GLRA3: variants seen among roughly 807,000 people sequenced by gnomAD.
The protein encoded by GLRA3 is glycine receptor subunit alpha-3.
GLRA3 carries 44 observed loss-of-function variants against 60.4 expected under a neutral mutation model. The observed-to-expected ratio is 0.73, with a 90% CI of 0.57 to 0.94. GLRA3 has a LOEUF of 0.94. Among genes scored for constraint, GLRA3 ranks in the 40% least tolerant of loss-of-function variants. GLRA3 has a pLI of 0.00. For missense variants in GLRA3, 508 were observed against 564.6 expected, an observed-to-expected ratio of 0.90 and a Z score of 1.02; for synonymous variants, 223 against 192.9, an observed-to-expected ratio of 1.16 and a Z score of -1.29.
intron 1 of GLRA3, among the ~76,000 whole-genome samples, chr4:174,812,683 T>C (rs971285555): frequency 6.6e-6 from 1 of 152,310 alleles, no homozygotes; most frequent in South Asian, 2.1e-4. Flanking sequence ...TATAGAATTA[T>C]ATTCTTTTTA....
chr4:174,739,155 C>T (rs1308083388), intron 3 of GLRA3, among the ~76,000 whole-genome samples: 2 of 152,320 alleles, frequency 1.3e-5, no homozygotes, highest in South Asian at 2.1e-4. Flanking sequence ...GTGGGTGCTG[C>T]TCTAAGAAGA....
At chr4:174,795,704 T>C (rs907556439) in intron 1 of GLRA3, among the ~76,000 whole-genome samples, 3 of 152,228 alleles carry the variant, frequency 2.0e-5, no homozygotes, top group African/African-American at 7.2e-5. Context: ...TGAGTTCTTA[T>C]GTAATTTGTT....
intron 7 of GLRA3, among the ~76,000 whole-genome samples, chr4:174,667,063 G>A (rs1394541814): frequency 6.6e-6 from 1 of 152,020 alleles, no homozygotes; most frequent in African/African-American, 2.4e-5. Flanking sequence ...AAATGGTGTT[G>A]TCATTGCTAT....
At chr4:174,805,257 T>A (rs1030991495) in intron 1 of GLRA3, among the ~76,000 whole-genome samples, 1 of 152,068 alleles carries the variant, frequency 6.6e-6, no homozygotes, top group Non-Finnish European at 1.5e-5. Flanking sequence ...TTTTCTCAAA[T>A]TTTTTTGCAC....
chr4:174,813,286 T>C (rs1272924959), intron 1 of GLRA3, among the ~76,000 whole-genome samples: 1 of 152,174 alleles, frequency 6.6e-6, no homozygotes, highest in African/African-American at 2.4e-5. Flanking sequence ...CAGTGCTCCT[T>C]TGGAAAAATA....
At chr4:174,706,099 G>T (rs574895900) in intron 5 of GLRA3, among the ~76,000 whole-genome samples, 3 of 151,968 alleles carry the variant, frequency 2.0e-5, no homozygotes, top group East Asian at 1.9e-4. Flanking sequence ...GCGTGGTGGC[G>T]GGCACCTGTA....
At chr4:174,735,204 A>C (rs1032253228) in intron 3 of GLRA3, among the ~76,000 whole-genome samples, 18 of 152,020 alleles carry the variant, frequency 1.2e-4, no homozygotes, top group African/African-American at 4.1e-4. Context: ...GGTGGACTTC[A>C]CTCTGTCCTT....
At chr4:174,801,317 C>T (rs1440628154) in intron 1 of GLRA3, among the ~76,000 whole-genome samples, 1 of 152,028 alleles carries the variant, frequency 6.6e-6, no homozygotes, top group Non-Finnish European at 1.5e-5. Context: ...GTGATATTAT[C>T]CAGTCTAATA....
At position 174,640,747 on chromosome 4, in the gene GLRA3, C is replaced by G. The variant is rs1000549882; in HGVS notation, c.*3039G>C. 1 of 151,654 alleles carries G rather than the reference C, an allele frequency of 6.6e-6. No individual in the cohort carries two copies. Among genetic ancestry groups the G allele is most frequent in the Admixed American group, 6.6e-5 (1 of 15,190 alleles). 9.4% of individuals were successfully genotyped at this position (151,654 alleles called of 1,614,324 possible). On this transcript the variant is annotated 3_prime_UTR_variant, in exon 10 of 10. Transcript: ENST00000274093. Reference sequence around the variant, plus strand: ...TCTTAGGGATATATAAATATACAAGCAATTAAATTCCAAATTAAGATAAAA... The same window carrying G: ...TCTTAGGGATATATAAATATACAAGGAATTAAATTCCAAATTAAGATAAAA...
At chr4:174,805,283 G>A (rs888270599) in intron 1 of GLRA3, among the ~76,000 whole-genome samples, 11 of 152,210 alleles carry the variant, frequency 7.2e-5, no homozygotes, top group African/African-American at 2.6e-4. Flanking sequence ...TCTTCAAAGA[G>A]TGCTGTTCAA....
At chr4:174,784,867 A>G (rs774327223) in intron 2 of GLRA3, among the ~76,000 whole-genome samples, 1 of 152,164 alleles carries the variant, frequency 6.6e-6, no homozygotes, top group Admixed American at 6.5e-5. Context: ...AAGGCACAGG[A>G]TCATTAGTGG....
chr4:174,816,034 T>G (rs1024738033), intron 1 of GLRA3, among the ~76,000 whole-genome samples: 2 of 152,180 alleles, frequency 1.3e-5, no homozygotes, highest in African/African-American at 2.4e-5. Context: ...CAAGATGAGA[T>G]TTGGGTAGGG....
At chr4:174,786,927 C>G (rs762454739) in intron 2 of GLRA3, among the ~76,000 whole-genome samples, 1 of 152,038 alleles carries the variant, frequency 6.6e-6, no homozygotes, top group African/African-American at 2.4e-5. Context: ...ATCTAATCAC[C>G]TCTGAACTGG....
chr4:174,754,532 T>C (rs1409617568), intron 3 of GLRA3, among the ~76,000 whole-genome samples: 1 of 152,140 alleles, frequency 6.6e-6, no homozygotes, highest in Non-Finnish European at 1.5e-5. Context: ...AATCTAATAA[T>C]ATCCTACATG....
At chr4:174,770,095 A>T (rs2111245498) in intron 2 of GLRA3, among the ~76,000 whole-genome samples, 1 of 152,180 alleles carries the variant, frequency 6.6e-6, no homozygotes. Flanking sequence ...CTGGTTCATG[A>T]TTTTCATCTT....
chr4:174,684,852 C>T (rs1189058963), intron 5 of GLRA3, among the ~76,000 whole-genome samples: 2 of 152,026 alleles, frequency 1.3e-5, no homozygotes, highest in African/African-American at 4.8e-5. Context: ...TACTAAAAAA[C>T]ACAAAAATTA....
intron 7 of GLRA3, among the ~76,000 whole-genome samples, chr4:174,676,367 C>A (rs544045866): frequency 7.3e-6 from 1 of 136,826 alleles, no homozygotes; most frequent in South Asian, 2.5e-4. Flanking sequence ...GGGTGCAGCA[C>A]TATGGGCACT....
intron 3 of GLRA3, among the ~76,000 whole-genome samples, chr4:174,737,116 G>A (rs974349917): frequency 6.6e-6 from 1 of 151,994 alleles, no homozygotes; most frequent in South Asian, 2.1e-4. Context: ...TATGTAATTT[G>A]GGACTAATGT....
intron 4 of GLRA3, among the ~76,000 whole-genome samples, chr4:174,723,703 ATTT>A (rs1326627687): frequency 3.3e-5 from 5 of 152,140 alleles, no homozygotes; most frequent in Admixed American, 2.0e-4. Context: ...TACAAAAATA[ATTT>A]TTAACTTAGC....
Sources: gnomAD v4.1 joint callset for allele counts (sites outside exome capture counted in the v4.1 genomes callset) on GRCh38, gnomAD v4.1.1 for gene constraint, MANE v1.5 for transcripts, NCBI Gene and HGNC (gene_info 2026-07-23, HGNC 2026-07-21) for gene names.